MYO5C: variants seen among roughly 807,000 people sequenced by gnomAD.
MYO5C encodes unconventional myosin-Vc.
Under a neutral mutation model 235.7 loss-of-function variants are expected in MYO5C, and 194 were observed. The observed-to-expected ratio is 0.82, with a 90% CI of 0.73 to 0.93. MYO5C has a LOEUF of 0.93. MYO5C is among the 40% of genes least tolerant of loss of function. MYO5C has a pLI of 0.00. For synonymous variants in MYO5C, 707 were observed against 754.8 expected (o/e 0.94, Z 1.04); for missense variants, 2,038 against 2,127.2 (o/e 0.96, Z 0.82).
intron 19 of MYO5C, 176 bp from the exon 20 acceptor site, chr15:52,242,389 C>T: frequency 1.5e-6 from 1 of 650,904 alleles, no homozygotes; most frequent in Non-Finnish European, 2.6e-6. Context: ...GTCCCCAGTT[C>T]CCTGTCCTTG....
At chr15:52,220,717 C>T (rs1596153142) in intron 30 of MYO5C, among the ~76,000 whole-genome samples, 1 of 151,382 alleles carries the variant, frequency 6.6e-6, no homozygotes, top group East Asian at 1.9e-4. Flanking sequence ...ATTTGATATA[C>T]TCAGGAGGCT....
chr15:52,216,131 A>G (rs939575480), intron 32 of MYO5C, among the ~76,000 whole-genome samples: 10 of 152,214 alleles, frequency 6.6e-5, no homozygotes, highest in Non-Finnish European at 1.2e-4. Flanking sequence ...ATACCAATTT[A>G]TATTCCCAGC....
Position 52,295,783 on chromosome 15 carries a change from T to G in MYO5C, c.-147A>C. On this transcript the variant is annotated 5_prime_UTR_variant, in exon 1 of 41. Transcript: ENST00000261839. The stretch of plus-strand genomic sequence containing the variant: ...CCCAAAGTTTTCCAACGGCCTCCTG[T>G]TCCCGTTCCCGAGTTGGCGGCGAGG... The G allele has an allele frequency of 6.2e-6, 3 of 485,764 alleles. No homozygotes were observed. Among genetic ancestry groups the G allele is most frequent in the Admixed American group, 4.5e-5 (1 of 22,416 alleles). 30.1% of individuals were successfully genotyped at this position (485,764 alleles called of 1,614,324 possible).
At chr15:52,262,493 C>CA (rs2036718502) in intron 9 of MYO5C, among the ~76,000 whole-genome samples, 1 of 152,292 alleles carries the variant, frequency 6.6e-6, no homozygotes, top group Admixed American at 6.5e-5. Flanking sequence ...AGCAAGGCAA[C>CA]AGAGGGGGAT....
At chr15:52,282,636 C>G (rs1039194067) in intron 2 of MYO5C, 146 bp downstream of exon 2, 4 of 645,800 alleles carry the variant, frequency 6.2e-6, no homozygotes, top group Non-Finnish European at 1.1e-5. Flanking sequence ...GTCCCGGCAC[C>G]AGGAGGCCAT....
At position 52,192,633 on chromosome 15, in the gene MYO5C, C is replaced by CTGAA. The variant is rs2034952958; in HGVS notation, c.*1265_*1268dup. Reference sequence around the variant, plus strand: ...TGCTTATCAAATGAGGTTTTAGGCTCTGAAAGGAAGGAATGAGAAGGTGTG... The same window carrying CTGAA: ...TGCTTATCAAATGAGGTTTTAGGCTCTGAATGAAAGGAAGGAATGAGAAGGTGTG... On this transcript the variant is annotated 3_prime_UTR_variant, in exon 41 of 41. Transcript: ENST00000261839. The CTGAA allele has an allele frequency of 6.6e-6, 1 of 152,232 alleles. No individual in the cohort carries two copies. The highest frequency in any genetic ancestry group is 2.1e-4 in the South Asian group (1 of 4,820). 9.4% of individuals were successfully genotyped at this position (152,232 alleles called of 1,614,324 possible).
chr15:52,198,020 A>G (rs557357955), intron 38 of MYO5C, among the ~76,000 whole-genome samples: 2 of 152,324 alleles, frequency 1.3e-5, no homozygotes, highest in Non-Finnish European at 2.9e-5. Context: ...AGTGTTGAAT[A>G]AAGTGATCTC....
At position 52,290,721 on chromosome 15, in the gene MYO5C, CA is replaced by C. The variant is rs2037370719; in HGVS notation, c.27+4888del. Among the ~76,000 whole-genome samples, 3 of 150,816 alleles carry C rather than the reference CA, an allele frequency of 2.0e-5. 1 individual carries two copies. In the East Asian group the frequency reaches 5.8e-4, roughly 29 times the overall value. ...TTCACCAGTATCGTAGATGAAAAAACAAAACACATGTATCAAACAAGCAGAT... is the reference window on the plus strand; with the variant it reads ...TTCACCAGTATCGTAGATGAAAAAACAAACACATGTATCAAACAAGCAGAT... On this transcript the variant is annotated intron_variant, in intron 1 of 40. Coordinates refer to ENST00000261839, the MANE Select transcript of MYO5C (RefSeq NM_018728.4).
intron 4 of MYO5C, chr15:52,277,292 T>C: frequency 1.9e-6 from 1 of 515,802 alleles, no homozygotes; most frequent in South Asian, 1.5e-5. Flanking sequence ...AACTGGCTCT[T>C]TAGGGCTGAA....
At chr15:52,289,423 C>T (rs965131812) in intron 1 of MYO5C, among the ~76,000 whole-genome samples, 4 of 152,200 alleles carry the variant, frequency 2.6e-5, no homozygotes, top group African/African-American at 4.8e-5. Flanking sequence ...GTGATGCCGA[C>T]GCTCCTCCTT....
At chr15:52,207,124 C>T (rs569419211) in intron 36 of MYO5C, among the ~76,000 whole-genome samples, 1 of 150,414 alleles carries the variant, frequency 6.6e-6, no homozygotes. Context: ...CAGAGTGAGA[C>T]CCCCATCTCA....
At chr15:52,198,402 G>T (rs2035103994) in intron 38 of MYO5C, among the ~76,000 whole-genome samples, 1 of 152,158 alleles carries the variant, frequency 6.6e-6, no homozygotes, top group African/African-American at 2.4e-5. Context: ...TCTTCTTTCT[G>T]GCTGTAACAT....
At chr15:52,267,034 C>T (rs1224238750) in intron 8 of MYO5C, among the ~76,000 whole-genome samples, 9 of 152,204 alleles carry the variant, frequency 5.9e-5, no homozygotes, top group Non-Finnish European at 8.8e-5. Flanking sequence ...CCAGGGCCAA[C>T]CCGGCACATG....
At chr15:52,237,748 T>G in intron 21 of MYO5C, 102 bp from the exon 22 acceptor site, 1 of 1,130,354 alleles carries the variant, frequency 8.8e-7, no homozygotes, top group South Asian at 1.5e-5. Flanking sequence ...TTTGAGAGGT[T>G]GCTTTATGCT....
intron 8 of MYO5C, 122 bp from the exon 9 acceptor site, chr15:52,264,418 G>T: frequency 1.3e-6 from 1 of 748,780 alleles, no homozygotes; most frequent in Non-Finnish European, 2.2e-6. Context: ...ACAGGAACGT[G>T]AAGTGGACCC....
chr15:52,256,581 ACACACACG>A (rs1206089772), intron 11 of MYO5C, 50 bp downstream of exon 11: 2 of 914,860 alleles, frequency 2.2e-6, no homozygotes, highest in Non-Finnish European at 3.3e-6. Flanking sequence ...ACACACACAC[ACACACACG>A]CGCGCGCGCG....
chr15:52,268,509 T>C (rs1246549956), intron 8 of MYO5C, among the ~76,000 whole-genome samples: 1 of 151,058 alleles, frequency 6.6e-6, no homozygotes, highest in Non-Finnish European at 1.5e-5. Flanking sequence ...GTTGCGCCAC[T>C]GCACTCCAGG....
intron 8 of MYO5C, 80 bp from the exon 9 acceptor site, chr15:52,264,376 A>G (rs1156730704): frequency 9.1e-7 from 1 of 1,104,856 alleles, no homozygotes; most frequent in East Asian, 2.5e-5. Context: ...TTCATTCAAG[A>G]TATGCAGGTA....
Position 52,244,451 on chromosome 15 carries a change from C to CTT in MYO5C, c.2293_2294dup (p.His766SerfsTer20). Reference sequence around the variant, plus strand: ...TCCTCTGGAGCCAGCCACGCATGTGCTTTTGTACCATAACACAACTCTGCC... The same window carrying CTT: ...TCCTCTGGAGCCAGCCACGCATGTGCTTTTTTGTACCATAACACAACTCTGCC... On this transcript the variant is annotated frameshift_variant, in exon 19 of 41. Coordinates refer to ENST00000261839, the MANE Select transcript of MYO5C (RefSeq NM_018728.4). LOFTEE classifies it high-confidence loss of function. The CTT allele has an allele frequency of 6.2e-7, 1 of 1,614,200 alleles. No homozygotes were observed. Among genetic ancestry groups the CTT allele is most frequent in the Non-Finnish European group, 8.5e-7 (1 of 1,180,028 alleles).
Sources: gnomAD v4.1 joint callset for allele counts (sites outside exome capture counted in the v4.1 genomes callset) on GRCh38, gnomAD v4.1.1 for gene constraint, MANE v1.5 for transcripts, NCBI Gene and HGNC (gene_info 2026-07-23, HGNC 2026-07-21) for gene names.